The following KLHL7 variants were observed in gnomAD, a reference collection of about 807,000 sequenced individuals.
KLHL7 encodes kelch like family member 7.
Under a neutral mutation model 67.4 loss-of-function variants are expected in KLHL7, and 44 were observed. The ratio of observed to expected loss-of-function variants is 0.65; its 90% CI spans 0.51 to 0.84. The LOEUF (loss-of-function observed/expected upper bound fraction) is 0.84, where lower values mean the gene tolerates loss of function less well. Ranked by LOEUF, KLHL7 falls within the 40% of genes least tolerant of loss-of-function variation. The probability of loss-of-function intolerance (pLI) is 0.00; values close to 1 mark genes in which losing one functional copy is unlikely to be tolerated. For synonymous variants in KLHL7, 252 were observed against 243.3 expected, an observed-to-expected ratio of 1.04 and a Z score of -0.33; for missense variants, 362 against 718.1, an observed-to-expected ratio of 0.50 and a Z score of 5.67.
chr7:23,146,642 GTTCTTCTTC>G (rs763440560), intron 6 of KLHL7, among the ~76,000 whole-genome samples: 1 of 148,766 alleles, frequency 6.7e-6, no homozygotes. Context: ...CACTTATAGA[GTTCTTCTTC>G]TTCTTCTTCT....
intron 5 of KLHL7, among the ~76,000 whole-genome samples, chr7:23,143,254 G>A (rs753261486): frequency 1.3e-5 from 2 of 152,162 alleles, no homozygotes; most frequent in Non-Finnish European, 2.9e-5. Context: ...TTATGTTGAG[G>A]AACTTGGACT....
intron 1 of KLHL7, among the ~76,000 whole-genome samples, chr7:23,117,667 A>T (rs1013189117): frequency 6.6e-6 from 1 of 152,010 alleles, no homozygotes; most frequent in Non-Finnish European, 1.5e-5. Flanking sequence ...TTTAAGTTCA[A>T]TCCTGTTTTT....
intron 6 of KLHL7, among the ~76,000 whole-genome samples, chr7:23,146,822 A>G (rs1013589700): frequency 6.6e-6 from 1 of 152,098 alleles, no homozygotes; most frequent in African/African-American, 2.4e-5. Context: ...AAATTTCCAT[A>G]TATCTATATG....
At chr7:23,172,326 T>C in intron 9 of KLHL7, 1 of 373,318 alleles carries the variant, frequency 2.7e-6, no homozygotes, top group Non-Finnish European at 5.3e-6. Context: ...TCAGTTTCAT[T>C]ATTTATATAT....
intron 9 of KLHL7, among the ~76,000 whole-genome samples, chr7:23,168,455 T>G (rs991212347): frequency 2.0e-5 from 3 of 152,256 alleles, no homozygotes; most frequent in African/African-American, 7.2e-5. Flanking sequence ...CTAGTTCTTT[T>G]TAGGTGTAAA....
chr7:23,109,519 T>A (rs1017980400), intron 1 of KLHL7, among the ~76,000 whole-genome samples: 5 of 152,218 alleles, frequency 3.3e-5, no homozygotes, highest in African/African-American at 7.2e-5. Context: ...AAAGCATAAC[T>A]GGAACTTGAA....
In KLHL7 at chr7:23,143,864, C is replaced by T. The variant is rs1208893862; in HGVS notation, c.632C>T (p.Ala211Val). Residue 211 changes from alanine to valine, a missense_variant, in exon 6 of 11, where the codon GCA (alanine) becomes GTA (valine). Physicochemically the swap from Ala to Val is moderately conservative, Grantham distance 64. This residue lies in a region of KLHL7 where 155 missense variants were observed against 280.8 expected (regional missense o/e 0.55). Coordinates refer to ENST00000339077, the MANE Select transcript of KLHL7 (RefSeq NM_001031710.3). ...VRAEDQVYDA[A>V]VRWLKYDEPN... ...TTTCCCCCTTAGGTTTATGATGCTG[C>T]AGTCAGGTGGTTGAAATACGATGAA... 3 of 1,614,072 alleles carry T rather than the reference C, an allele frequency of 1.9e-6. No individual in the cohort carries two copies. The highest frequency in any genetic ancestry group is 2.5e-6 in the Non-Finnish European group (3 of 1,179,980).
chr7:23,106,980 G>T (rs1330047579), intron 1 of KLHL7, among the ~76,000 whole-genome samples: 2 of 152,104 alleles, frequency 1.3e-5, no homozygotes, highest in East Asian at 3.8e-4. Flanking sequence ...TGTTGACTGG[G>T]ATCCTGTTTC....
intron 4 of KLHL7, among the ~76,000 whole-genome samples, chr7:23,131,278 T>G (rs12112285): frequency 0.076 from 11,519 of 152,248 alleles, 1,213 homozygotes; most frequent in African/African-American, 0.23. Context: ...TGTTATTAAC[T>G]GCCTTTGAAA....
chr7:23,123,902 T>C (rs965259685), intron 2 of KLHL7, 23 bp downstream of exon 2: 1 of 1,430,008 alleles, frequency 7.0e-7, no homozygotes, highest in East Asian at 2.3e-5. Context: ...AGGTAAAACA[T>C]GCCATTATTT....
intron 1 of KLHL7, 51 bp downstream of exon 1, chr7:23,106,197 CG>C: frequency 6.3e-7 from 1 of 1,593,354 alleles, no homozygotes; most frequent in South Asian, 1.1e-5. Flanking sequence ...GTCCGGGGCT[CG>C]GGCCCCTGGT....
intron 7 of KLHL7, among the ~76,000 whole-genome samples, chr7:23,161,985 A>C (rs1474494384): frequency 6.6e-6 from 1 of 152,222 alleles, no homozygotes; most frequent in East Asian, 1.9e-4. Context: ...GAGATTGTGC[A>C]GGACCTCAGC....
At chr7:23,147,849 A>C (rs2128465962) in intron 6 of KLHL7, among the ~76,000 whole-genome samples, 1 of 152,308 alleles carries the variant, frequency 6.6e-6, no homozygotes, top group Middle Eastern at 3.4e-3. Flanking sequence ...CAAAAGAGGG[A>C]GACTTTACCT....
At chr7:23,124,166 G>C (rs1348794279) in intron 2 of KLHL7, among the ~76,000 whole-genome samples, 1 of 123,256 alleles carries the variant, frequency 8.1e-6, no homozygotes, top group East Asian at 2.4e-4. Flanking sequence ...ACTCCATCCT[G>C]GGCGTCAGAG....
intron 3 of KLHL7, 67 bp from the exon 4 acceptor site, chr7:23,124,981 A>G (rs1783513396): frequency 7.0e-7 from 1 of 1,437,786 alleles, no homozygotes; most frequent in Admixed American, 1.8e-5. Context: ...ATTAGGATAC[A>G]TTCCACAGTA....
chr7:23,168,141 A>G, intron 9 of KLHL7, 104 bp downstream of exon 9: 1 of 1,071,368 alleles, frequency 9.3e-7, no homozygotes, highest in East Asian at 2.5e-5. Context: ...TTTGTCCTTG[A>G]GTGAAGAGTG....
chr7:23,131,356 G>GA (rs940656049), intron 4 of KLHL7, among the ~76,000 whole-genome samples: 2 of 151,934 alleles, frequency 1.3e-5, no homozygotes, highest in Non-Finnish European at 2.9e-5. Flanking sequence ...TATTTTGGTA[G>GA]AAAAAAACTT....
chr7:23,175,134 A>T lies in KLHL7; in HGVS notation c.*836A>T, dbSNP rs1227564667. On this transcript the variant is annotated 3_prime_UTR_variant, in exon 11 of 11. Transcript: ENST00000339077. The stretch of plus-strand genomic sequence containing the variant: ...TTAGAAAAGCACTGGTAGTTGTACA[A>T]TATCAGTGTTGACTTTGAACTTCTT... 4.4e-6 allele frequency: 2 copies of T among 454,106 alleles called. No individual in the cohort carries two copies. Among genetic ancestry groups the T allele is most frequent in the Non-Finnish European group, 4.4e-6 (1 of 226,766 alleles). The allele number at this position is 454,106 out of a possible 1,614,324, so 28.1% of individuals were successfully genotyped here. A position where few individuals can be genotyped will look rare whatever the true frequency, so the allele number is the denominator to read the frequency against.
At chr7:23,119,425 A>G (rs1033262404) in intron 1 of KLHL7, among the ~76,000 whole-genome samples, 4 of 152,216 alleles carry the variant, frequency 2.6e-5, no homozygotes, top group Admixed American at 1.3e-4. Flanking sequence ...GGCTGGTCTC[A>G]AACTCCTCAA....
Sources: gnomAD v4.1 joint callset for allele counts (sites outside exome capture counted in the v4.1 genomes callset) on GRCh38, gnomAD v4.1.1 for gene constraint, gnomAD v4.1.1 regional missense constraint, MANE v1.5 for transcripts, NCBI Gene and HGNC (gene_info 2026-07-23, HGNC 2026-07-21) for gene names.